The following EXT1 variants were observed in gnomAD, a reference collection of about 807,000 sequenced individuals.
EXT1 encodes the protein exostosin glycosyltransferase 1.
Under a neutral mutation model 82.5 loss-of-function variants are expected in EXT1, and 20 were observed. That is an observed-to-expected ratio of 0.24 (90% CI 0.17 to 0.35). The LOEUF (loss-of-function observed/expected upper bound fraction) is 0.35. EXT1 is among the 10% of genes least tolerant of loss of function. The pLI is 1.00. For synonymous variants in EXT1, 348 were observed against 350.8 expected (o/e 0.99, Z 0.09); for missense variants, 757 against 936.5 (o/e 0.81, Z 2.50).
Position 117,969,705 on chromosome 8 carries a change from G to A in EXT1, c.963-132504C>T, listed in dbSNP as rs534088734. Reference sequence around the variant, plus strand: ...GTGGTGTGTGTGTGTGCGCGCGCACGCGTGTATGTGCATGCACATGCACAC... The same window carrying A: ...GTGGTGTGTGTGTGTGCGCGCGCACACGTGTATGTGCATGCACATGCACAC... On this transcript the variant is annotated intron_variant, in intron 1 of 10. Coordinates refer to ENST00000378204, the MANE Select transcript of EXT1 (RefSeq NM_000127.3). Among the ~76,000 whole-genome samples the A allele has an allele frequency of 3.9e-5, 6 of 152,320 alleles. No homozygotes were observed. The South Asian group carries it at 1.0e-3, about 26-fold the overall frequency.
Position 117,807,380 on chromosome 8 carries a change from G to A in EXT1, c.1723-3C>T, listed in dbSNP as rs1228200777. ...CACACTGTGAAGGCGAAATCCACCTGCAGGCAGAACACAAGCCAAACAAGC... is the reference window on the plus strand; with the variant it reads ...CACACTGTGAAGGCGAAATCCACCTACAGGCAGAACACAAGCCAAACAAGC... On this transcript the variant is annotated splice_region_variant and splice_polypyrimidine_tract_variant and intron_variant, in intron 8 of 10. Transcript: ENST00000378204. 2 of 1,614,124 alleles carry A rather than the reference G, an allele frequency of 1.2e-6. No homozygotes were observed. The highest frequency in any genetic ancestry group is 1.7e-6 in the Non-Finnish European group (2 of 1,180,030).
chr8:117,992,691 G>T (rs571312799), intron 1 of EXT1, among the ~76,000 whole-genome samples: 11 of 152,246 alleles, frequency 7.2e-5, no homozygotes, highest in Non-Finnish European at 1.2e-4. Flanking sequence ...TTGGTCTCCC[G>T]ACAAGACAAG....
At chr8:117,883,313 G>T (rs1412844706) in intron 1 of EXT1, among the ~76,000 whole-genome samples, 1 of 152,138 alleles carries the variant, frequency 6.6e-6, no homozygotes, top group African/African-American at 2.4e-5. Context: ...AACTTTTAAG[G>T]TTCCATTTGT....
chr8:117,835,826 T>C (rs1000011711), intron 2 of EXT1, among the ~76,000 whole-genome samples: 1 of 152,206 alleles, frequency 6.6e-6, no homozygotes, highest in Non-Finnish European at 1.5e-5. Context: ...CTTACTTCCA[T>C]AGAGACGACT....
At chr8:117,813,502 G>A (rs1412631322) in intron 7 of EXT1, among the ~76,000 whole-genome samples, 3 of 150,572 alleles carry the variant, frequency 2.0e-5, no homozygotes, top group Non-Finnish European at 4.4e-5. Flanking sequence ...TGAATGGATG[G>A]AGAAGTGATT....
chr8:117,938,025 A>T (rs918410432), intron 1 of EXT1, among the ~76,000 whole-genome samples: 1 of 152,196 alleles, frequency 6.6e-6, no homozygotes, highest in Non-Finnish European at 1.5e-5. Context: ...ACACCTCAAT[A>T]GGAAATATCT....
In EXT1 at chr8:118,076,474, G is replaced by A. The variant is rs566877750; in HGVS notation, c.962+33611C>T. On this transcript the variant is annotated intron_variant, in intron 1 of 10. Transcript: ENST00000378204. ...TCTTTGTGTATATTTCCACTATCAC[G>A]CAGTAATTATTCCTTTCAGGAATAT... Among the ~76,000 whole-genome samples, 21 of 152,284 alleles carry A rather than the reference G, an allele frequency of 1.4e-4. No individual in the cohort carries two copies. The South Asian group carries it at 4.1e-3, about 30-fold the overall frequency.
intron 1 of EXT1, among the ~76,000 whole-genome samples, chr8:117,991,080 G>A (rs1210424566): frequency 6.6e-6 from 1 of 151,796 alleles, no homozygotes; most frequent in Non-Finnish European, 1.5e-5. Context: ...ATGGAAGAAG[G>A]TTTCAAACTC....
intron 1 of EXT1, among the ~76,000 whole-genome samples, chr8:118,018,363 G>A (rs1586345995): frequency 6.6e-6 from 1 of 152,124 alleles, no homozygotes; most frequent in African/African-American, 2.4e-5. Context: ...GATGAAAGCA[G>A]GGATCAGGAT....
intron 1 of EXT1, among the ~76,000 whole-genome samples, chr8:117,970,073 G>C (rs974835903): frequency 6.6e-6 from 1 of 152,146 alleles, no homozygotes; most frequent in Non-Finnish European, 1.5e-5. Flanking sequence ...TGTAAAATGA[G>C]GGATAAACCA....
At chr8:118,067,053 C>A (rs1412800050) in intron 1 of EXT1, among the ~76,000 whole-genome samples, 1 of 152,228 alleles carries the variant, frequency 6.6e-6, no homozygotes, top group Non-Finnish European at 1.5e-5. Context: ...AGCCACAATT[C>A]TCTCCCTAAA....
intron 1 of EXT1, among the ~76,000 whole-genome samples, chr8:118,091,791 A>C (rs11785048): frequency 0.53 from 80,649 of 151,464 alleles, 23,233 homozygotes; most frequent in Middle Eastern, 0.69. Context: ...CTCTCTCTCT[A>C]TATATATATG....
chr8:118,069,533 G>A (rs1441603431), intron 1 of EXT1, among the ~76,000 whole-genome samples: 1 of 152,174 alleles, frequency 6.6e-6, no homozygotes, highest in Non-Finnish European at 1.5e-5. Context: ...CTTTGGCAAA[G>A]TGTAAGTGGT....
At chr8:118,088,483 T>C (rs528275158) in intron 1 of EXT1, among the ~76,000 whole-genome samples, 160 of 145,486 alleles carry the variant, frequency 1.1e-3, no homozygotes, top group African/African-American at 4.0e-3. Flanking sequence ...CTGATTAATA[T>C]AGTAATGCTT....
At chr8:118,088,845 T>A (rs1195043945) in intron 1 of EXT1, among the ~76,000 whole-genome samples, 1 of 152,180 alleles carries the variant, frequency 6.6e-6, no homozygotes, top group Non-Finnish European at 1.5e-5. Context: ...GAAAGCACCG[T>A]GTGAAGTAAT....
chr8:118,103,297 C>A (rs887256113), intron 1 of EXT1, among the ~76,000 whole-genome samples: 1 of 152,112 alleles, frequency 6.6e-6, no homozygotes, highest in Admixed American at 6.5e-5. Context: ...CAGGTGTGCA[C>A]CACCATGCCC....
At chr8:118,026,943 C>A (rs1325096282) in intron 1 of EXT1, among the ~76,000 whole-genome samples, 1 of 152,052 alleles carries the variant, frequency 6.6e-6, no homozygotes, top group Non-Finnish European at 1.5e-5. Flanking sequence ...TCTGAGTTAC[C>A]AAAAATGGTA....
intron 1 of EXT1, among the ~76,000 whole-genome samples, chr8:118,055,446 G>A (rs17454078): frequency 2.6e-5 from 4 of 152,206 alleles, no homozygotes; most frequent in East Asian, 3.8e-4. Flanking sequence ...CTGTGAACAC[G>A]TGTAGACAAA....
chr8:117,950,822 T>C (rs1814477820), intron 1 of EXT1, among the ~76,000 whole-genome samples: 1 of 152,214 alleles, frequency 6.6e-6, no homozygotes, highest in Non-Finnish European at 1.5e-5. Flanking sequence ...AGGAGCTTTC[T>C]GTAACTAGAC....
Sources: gnomAD v4.1 joint callset for allele counts (sites outside exome capture counted in the v4.1 genomes callset) on GRCh38, gnomAD v4.1.1 for gene constraint, MANE v1.5 for transcripts, NCBI Gene and HGNC (gene_info 2026-07-23, HGNC 2026-07-21) for gene names.